The following TASP1 variants were observed in gnomAD, a reference collection of about 807,000 sequenced individuals.
TASP1 encodes the protein taspase 1.
In TASP1, 16 loss-of-function variants were observed where a neutral mutation model predicts 56.6. The ratio of observed to expected loss-of-function variants is 0.28; its 90% CI spans 0.19 to 0.43. TASP1 has a LOEUF of 0.43. TASP1 is among the 20% of genes least tolerant of loss of function. TASP1 has a pLI of 1.00. For missense variants in TASP1, 393 were observed against 511.6 expected (o/e 0.77, Z 2.24); for synonymous variants, 179 against 184.2 (o/e 0.97, Z 0.23).
intron 10 of TASP1, among the ~76,000 whole-genome samples, chr20:13,492,121 C>T (rs368834042): frequency 3.3e-5 from 5 of 152,252 alleles, no homozygotes; most frequent in African/African-American, 1.2e-4. Context: ...AGCACAGGCT[C>T]GACAGCAACA....
rs2045330178 is a variant in TASP1 at position 13,534,194 on chromosome 20, G to C, written c.676-53C>G. 4 of 1,602,506 alleles carry C rather than the reference G, an allele frequency of 2.5e-6. No homozygotes were observed. In the South Asian group the frequency reaches 4.5e-5, roughly 18 times the overall value. The stretch of plus-strand genomic sequence containing the variant: ...CACTAGGCATGGAGTGGGACAATCT[G>C]ATATGACTACATAGCACTTTTCCAT... On this transcript the variant is annotated intron_variant, in intron 8 of 13. Coordinates refer to ENST00000337743, the MANE Select transcript of TASP1 (RefSeq NM_017714.3).
the TASP1 span, among the ~76,000 whole-genome samples, chr20:13,148,807 G>T: frequency 2.6e-5 from 4 of 152,232 alleles, no homozygotes; most frequent in African/African-American, 9.6e-5. Context: ...CATAAGGTTT[G>T]CCAAGCTCTC....
intron 10 of TASP1, among the ~76,000 whole-genome samples, chr20:13,494,008 G>A (rs1321340119): frequency 6.6e-6 from 1 of 152,170 alleles, no homozygotes; most frequent in Non-Finnish European, 1.5e-5. Context: ...GTGCTGCTAA[G>A]ATTGTATCAC....
the TASP1 span, among the ~76,000 whole-genome samples, chr20:13,357,365 C>T: frequency 1.3e-5 from 2 of 152,160 alleles, no homozygotes; most frequent in Non-Finnish European, 2.9e-5. Context: ...TCTTCAATTC[C>T]TTTATCTTCA....
At chr20:13,216,122 G>A in the TASP1 span, among the ~76,000 whole-genome samples, 2 of 152,194 alleles carry the variant, frequency 1.3e-5, no homozygotes, top group Non-Finnish European at 1.5e-5. Context: ...ATTCAGAAGT[G>A]AATGAGGCAA....
At chr20:13,384,956 A>G (rs1249514301), downstream of TASP1, among the ~76,000 whole-genome samples, 3 of 152,244 alleles carry the variant, frequency 2.0e-5, no homozygotes, top group East Asian at 5.8e-4. Context: ...TTTTGCGGGC[A>G]GAGGGGACTC....
chr20:13,621,250 C>T (rs2048705005), intron 4 of TASP1, among the ~76,000 whole-genome samples: 2 of 151,742 alleles, frequency 1.3e-5, no homozygotes, highest in Admixed American at 1.3e-4. Flanking sequence ...ATGGTGAAAC[C>T]CTGTCTCTAC....
At chr20:13,193,132 G>T in the TASP1 span, among the ~76,000 whole-genome samples, 1 of 152,060 alleles carries the variant, frequency 6.6e-6, no homozygotes, top group South Asian at 2.1e-4. Context: ...GAGATAAAAT[G>T]GAATCATAGA....
intron 10 of TASP1, among the ~76,000 whole-genome samples, chr20:13,508,549 G>A (rs1451870235): frequency 1.3e-5 from 2 of 152,036 alleles, no homozygotes; most frequent in Non-Finnish European, 2.9e-5. Context: ...AAAACTTCTG[G>A]TGCCCAGCAT....
the TASP1 span, among the ~76,000 whole-genome samples, chr20:13,181,367 C>T: frequency 5.3e-5 from 8 of 152,186 alleles, no homozygotes; most frequent in Non-Finnish European, 1.5e-5. Context: ...CATCATGCTT[C>T]TGGAATCTCC....
intron 4 of TASP1, among the ~76,000 whole-genome samples, chr20:13,588,321 G>GGAAAGAA (rs767751353): frequency 1.8e-5 from 2 of 111,630 alleles, no homozygotes; most frequent in African/African-American, 1.0e-4. Flanking sequence ...GAAAGAAAAG[G>GGAAAGAA]AAGGAAGGAA....
chr20:13,256,889 T>C, the TASP1 span, among the ~76,000 whole-genome samples: 2 of 152,042 alleles, frequency 1.3e-5, no homozygotes, highest in African/African-American at 4.8e-5. Context: ...AAGGCTGGCA[T>C]GGAGAGGACA....
chr20:13,491,715 A>G (rs2043535521), intron 10 of TASP1, among the ~76,000 whole-genome samples: 1 of 152,196 alleles, frequency 6.6e-6, no homozygotes, highest in Non-Finnish European at 1.5e-5. Context: ...AAACATCAAA[A>G]TTTACCAATT....
chr20:13,426,685 C>G (rs1230188828), intron 12 of TASP1, among the ~76,000 whole-genome samples: 1 of 152,160 alleles, frequency 6.6e-6, no homozygotes, highest in East Asian at 1.9e-4. Context: ...ACTACTTCAT[C>G]AGATTAATGC....
the TASP1 span, among the ~76,000 whole-genome samples, chr20:13,156,840 G>A: frequency 2.0e-5 from 3 of 152,184 alleles, no homozygotes; most frequent in Admixed American, 6.5e-5. Context: ...GAATCACCAC[G>A]GTTGCATGGC....
chr20:13,522,572 G>A lies in TASP1; in HGVS notation c.874+5861C>T, dbSNP rs989154938. Among the ~76,000 whole-genome samples, 15 of 152,280 alleles carry A rather than the reference G, an allele frequency of 9.9e-5. No homozygotes were observed. In the East Asian group the frequency reaches 2.7e-3, roughly 27 times the overall value. On this transcript the variant is annotated intron_variant, in intron 10 of 13. Transcript: ENST00000337743. ...TGGGGAAAATATTTCAAGAGAACAC[G>A]TTTAGGGTTAGGCAAGAGCTCATAT... is the stretch of plus-strand genomic sequence containing the variant.
the TASP1 span, among the ~76,000 whole-genome samples, chr20:13,328,164 T>G: frequency 6.6e-6 from 1 of 152,156 alleles, no homozygotes; most frequent in Non-Finnish European, 1.5e-5. Flanking sequence ...GAACAGACAC[T>G]TCTCAACAGA....
At chr20:13,484,904 C>T (rs57557839) in intron 10 of TASP1, among the ~76,000 whole-genome samples, 1 of 152,054 alleles carries the variant, frequency 6.6e-6, no homozygotes, top group Admixed American at 6.6e-5. Flanking sequence ...ACTGCATGTT[C>T]TCACTCATAA....
the TASP1 span, among the ~76,000 whole-genome samples, chr20:13,110,944 G>A: frequency 8.5e-5 from 13 of 152,048 alleles, 1 homozygote; most frequent in Admixed American, 7.2e-4. Flanking sequence ...GGCTACAAAG[G>A]AGACTTGAGG....
Sources: gnomAD v4.1 joint callset for allele counts (sites outside exome capture counted in the v4.1 genomes callset) on GRCh38, gnomAD v4.1.1 for gene constraint, MANE v1.5 for transcripts, NCBI Gene and HGNC (gene_info 2026-07-23, HGNC 2026-07-21) for gene names.